Variants in IQCM observed in about 807,000 individuals in gnomAD.
IQCM encodes the protein IQ motif containing M, also known as IQ domain-containing protein M.
In IQCM, 45 loss-of-function variants were observed where a neutral mutation model predicts 57.6. That is an observed-to-expected ratio of 0.78 (90% CI 0.62 to 1.00). The LOEUF is 1.00. IQCM is among the 50% of genes least tolerant of loss of function. IQCM has a pLI of 0.00. For synonymous variants in IQCM, 148 were observed against 158.9 expected (o/e 0.93, Z 0.51); for missense variants, 468 against 511.6 (o/e 0.91, Z 0.82).
chr4:149,545,818 AT>A (rs35281493), intron 12 of IQCM, among the ~76,000 whole-genome samples: 32,544 of 149,866 alleles, frequency 0.22, 4,338 homozygotes, highest in Non-Finnish European at 0.29. Context: ...AAAAAGTGGT[AT>A]TTTTTTTTTA....
chr4:149,681,267 G>T (rs1366266028), intron 7 of IQCM, among the ~76,000 whole-genome samples: 1 of 151,164 alleles, frequency 6.6e-6, no homozygotes, highest in Non-Finnish European at 1.5e-5. Flanking sequence ...ATACATTATT[G>T]TATTGCCCTG....
chr4:149,598,657 G>T (rs1176883000), intron 8 of IQCM, among the ~76,000 whole-genome samples: 1 of 150,992 alleles, frequency 6.6e-6, no homozygotes, highest in South Asian at 2.1e-4. Context: ...AACTTTATTT[G>T]TCATTAGGAA....
intron 12 of IQCM, among the ~76,000 whole-genome samples, chr4:149,534,829 T>C (rs1747123197): frequency 6.6e-6 from 1 of 152,106 alleles, no homozygotes; most frequent in Admixed American, 6.6e-5. Context: ...TATGGACCAA[T>C]CATGGCTCTA....
rs1182166130 is a variant in IQCM at position 149,739,620 on chromosome 4, C to A, written c.37+3035G>T. 5.3e-5 allele frequency among the ~76,000 whole-genome samples: 8 copies of A among 152,114 alleles called. No individual in the cohort carries two copies. The East Asian group carries it at 1.5e-3, about 29-fold the overall frequency. On this transcript the variant is annotated intron_variant, in intron 3 of 13. Coordinates refer to ENST00000636793, the MANE Select transcript of IQCM (RefSeq NM_001363507.2). The stretch of plus-strand genomic sequence containing the variant: ...ATAAAATATTTTCATACATAGGATT[C>A]TTCATGTTATTAAAGTTCCCAAAAG...
At chr4:149,668,086 G>A (rs1760899038) in intron 7 of IQCM, among the ~76,000 whole-genome samples, 1 of 152,022 alleles carries the variant, frequency 6.6e-6, no homozygotes, top group Non-Finnish European at 1.5e-5. Flanking sequence ...ACACCACAAA[G>A]ATATTTCTCG....
rs542381519 is a variant in IQCM, at chr4:149,373,224, T to C, written c.1391-21158A>G. 4.6e-5 allele frequency among the ~76,000 whole-genome samples: 7 copies of C among 152,270 alleles called. No individual in the cohort carries two copies. In the South Asian group the frequency reaches 1.4e-3, roughly 32 times the overall value. ...CACTACCCTTACATGACACCTACAA[T>C]TGTAACCTCAAATTTTACACATGAG... On this transcript the variant is annotated intron_variant, in intron 13 of 13. Transcript: ENST00000636793.
chr4:149,741,175 GACTCA>G (rs1767420833), intron 3 of IQCM, among the ~76,000 whole-genome samples: 1 of 152,038 alleles, frequency 6.6e-6, no homozygotes, highest in African/African-American at 2.4e-5. Context: ...TCTGCATTAA[GACTCA>G]ACTCTTCAGT....
At chr4:149,815,430 C>A (rs1198376177) in intron 1 of IQCM, 82 bp from the exon 2 acceptor site, 1 of 151,804 alleles carries the variant, frequency 6.6e-6, no homozygotes, top group Non-Finnish European at 1.5e-5. Context: ...ATCTTATCAT[C>A]TAAGCAAAAA....
intron 8 of IQCM, among the ~76,000 whole-genome samples, chr4:149,616,660 A>G (rs2150064718): frequency 6.6e-6 from 1 of 152,300 alleles, no homozygotes; most frequent in East Asian, 1.9e-4. Context: ...TTTAAAATGA[A>G]AAAAGTCTAC....
intron 9 of IQCM, among the ~76,000 whole-genome samples, chr4:149,584,138 G>T (rs1035631817): frequency 6.6e-6 from 1 of 151,422 alleles, no homozygotes; most frequent in Non-Finnish European, 1.5e-5. Flanking sequence ...TTAAAAAACA[G>T]AAAAATGTTC....
At chr4:149,763,355 ATT>A (rs1337151901) in intron 2 of IQCM, among the ~76,000 whole-genome samples, 1 of 151,992 alleles carries the variant, frequency 6.6e-6, no homozygotes, top group Admixed American at 6.6e-5. Flanking sequence ...ACAGAGTATT[ATT>A]TTTTTGCATG....
At position 149,671,596 on chromosome 4, in the gene IQCM, C is replaced by A. The variant is rs372796409; in HGVS notation, c.565+10522G>T. Among the ~76,000 whole-genome samples the A allele has an allele frequency of 9.9e-5, 15 of 152,250 alleles. No individual in the cohort carries two copies. The East Asian group carries it at 1.9e-3, about 20-fold the overall frequency. On this transcript the variant is annotated intron_variant, in intron 7 of 13. Coordinates refer to ENST00000636793, the MANE Select transcript of IQCM (RefSeq NM_001363507.2). Reference sequence around the variant, plus strand: ...GGGTGTCAATTTTAGATCTTTCCTGCTTTCTCTTGTGGGCATTTAGTGCTA... The same window carrying A: ...GGGTGTCAATTTTAGATCTTTCCTGATTTCTCTTGTGGGCATTTAGTGCTA...
chr4:149,528,679 G>A (rs896405141), intron 12 of IQCM, among the ~76,000 whole-genome samples: 7 of 152,226 alleles, frequency 4.6e-5, no homozygotes, highest in African/African-American at 1.4e-4. Context: ...CAGAAAATGA[G>A]TATAAAAGTG....
intron 9 of IQCM, among the ~76,000 whole-genome samples, chr4:149,575,369 C>T (rs1751535481): frequency 6.6e-6 from 1 of 151,818 alleles, no homozygotes; most frequent in Admixed American, 6.6e-5. Flanking sequence ...TATTCCTTTT[C>T]CACTGTTCCC....
At chr4:149,405,572 T>C (rs1732919352) in intron 13 of IQCM, among the ~76,000 whole-genome samples, 2 of 150,986 alleles carry the variant, frequency 1.3e-5, no homozygotes, top group Admixed American at 6.6e-5. Flanking sequence ...AAAAAAAGAA[T>C]AAGTAATAGC....
intron 5 of IQCM, among the ~76,000 whole-genome samples, chr4:149,707,559 G>A (rs560865355): frequency 5.3e-5 from 8 of 152,046 alleles, no homozygotes; most frequent in South Asian, 4.1e-4. Flanking sequence ...GACAAAGAGC[G>A]AGCTTGCTCT....
At chr4:149,417,185 C>T (rs1190474638) in intron 13 of IQCM, among the ~76,000 whole-genome samples, 4 of 152,118 alleles carry the variant, frequency 2.6e-5, no homozygotes, top group African/African-American at 9.7e-5. Flanking sequence ...TGCAAAGTTG[C>T]ATAAAATAGT....
intron 11 of IQCM, 54 bp downstream of exon 11, chr4:149,553,089 T>C: frequency 1.7e-6 from 2 of 1,205,332 alleles, no homozygotes; most frequent in Non-Finnish European, 2.1e-6. Context: ...AAAATTCCAA[T>C]GGCTAAATTA....
intron 7 of IQCM, among the ~76,000 whole-genome samples, chr4:149,669,913 T>C (rs1486678460): frequency 6.6e-6 from 1 of 152,218 alleles, no homozygotes; most frequent in Non-Finnish European, 1.5e-5. Flanking sequence ...GGTAGCATGA[T>C]GCCTCCAGCT....
Sources: allele counts gnomAD v4.1 joint callset (sites outside exome capture counted in the v4.1 genomes callset), GRCh38; gene constraint gnomAD v4.1.1; transcripts MANE v1.5; gene names NCBI Gene and HGNC (gene_info 2026-07-23, HGNC 2026-07-21).